Variants in BICRAL observed in about 807,000 individuals in gnomAD.
BICRAL encodes the protein BICRA like chromatin remodeling complex associated protein, also known as BRD4-interacting chromatin-remodeling complex-associated protein-like.
In BICRAL, 8 loss-of-function variants were observed where a neutral mutation model predicts 91.8. The observed-to-expected ratio is 0.09, with a 90% CI of 0.05 to 0.16. BICRAL has a LOEUF of 0.16. Ranked by LOEUF, BICRAL falls within the 10% of genes least tolerant of loss-of-function variation. The pLI is 1.00. For synonymous variants in BICRAL, 445 were observed against 491.1 expected (o/e 0.91, Z 1.24); for missense variants, 1,038 against 1,310.9 (o/e 0.79, Z 3.21).
At chr6:42,848,299 A>G (rs576461157) in intron 6 of BICRAL, among the ~76,000 whole-genome samples, 1 of 151,746 alleles carries the variant, frequency 6.6e-6, no homozygotes, top group East Asian at 1.9e-4. Context: ...CTGTAGTCCA[A>G]GCTACTCCTG....
intron 6 of BICRAL, among the ~76,000 whole-genome samples, chr6:42,839,172 C>T (rs1048940975): frequency 1.2e-4 from 18 of 152,108 alleles, no homozygotes; most frequent in Non-Finnish European, 2.4e-4. Flanking sequence ...TACACTGCAG[C>T]ACTCCAGCCT....
chr6:42,759,694 C>T (rs1366616749), intron 1 of BICRAL, among the ~76,000 whole-genome samples: 1 of 152,136 alleles, frequency 6.6e-6, no homozygotes. Flanking sequence ...TGATCCTATG[C>T]CTCATCTTCT....
At chr6:42,770,717 G>C (rs1252008435) in intron 1 of BICRAL, among the ~76,000 whole-genome samples, 2 of 144,844 alleles carry the variant, frequency 1.4e-5, no homozygotes, top group Non-Finnish European at 3.0e-5. Context: ...CACCCGGTCA[G>C]TGTTTTTGTT....
intron 1 of BICRAL, among the ~76,000 whole-genome samples, chr6:42,757,671 G>A (rs552207772): frequency 6.6e-6 from 1 of 152,356 alleles, no homozygotes; most frequent in South Asian, 2.1e-4. Context: ...ACAGGCATGA[G>A]CCACCGCGCC....
rs182143933 is a variant in BICRAL at position 42,794,392 on chromosome 6, C to T, written c.-102+12291C>T. Among the ~76,000 whole-genome samples, 90 of 150,584 alleles carry T rather than the reference C, an allele frequency of 6.0e-4. 1 individual carries two copies. In the East Asian group the frequency reaches 0.017, roughly 29 times the overall value. On this transcript the variant is annotated intron_variant, in intron 1 of 12. Transcript: ENST00000314073. ...TTCTGTTACATAAAATACTTAATGC[C>T]GGACAAAATTCACTTACTCTGTGTG...
chr6:42,781,667 T>C (rs991683380), upstream of BICRAL, among the ~76,000 whole-genome samples: 1 of 150,250 alleles, frequency 6.7e-6, no homozygotes, highest in East Asian at 1.9e-4. Context: ...TCGTGGATCT[T>C]AGTAATTGTT....
chr6:42,754,765 C>CA (rs1467617239), intron 1 of BICRAL, among the ~76,000 whole-genome samples: 2 of 152,150 alleles, frequency 1.3e-5, no homozygotes, highest in Non-Finnish European at 2.9e-5. Flanking sequence ...GGCATGGTGG[C>CA]ATGCACCTAT....
At chr6:42,793,296 A>ATTTTTTTTTT (rs35332872) in intron 1 of BICRAL, among the ~76,000 whole-genome samples, 490 of 22,982 alleles carry the variant, frequency 0.021, 69 homozygotes, top group East Asian at 0.031. Flanking sequence ...GACCCAGCTA[A>ATTTTTTTTTT]TTTTTTTTTT....
chr6:42,832,066 G>A (rs945047353), intron 6 of BICRAL, among the ~76,000 whole-genome samples: 17 of 151,280 alleles, frequency 1.1e-4, no homozygotes, highest in African/African-American at 2.9e-4. Flanking sequence ...TATATATATC[G>A]GCCAGGAGCT....
At chr6:42,826,316 C>T (rs1160598941) in intron 5 of BICRAL, among the ~76,000 whole-genome samples, 1 of 149,626 alleles carries the variant, frequency 6.7e-6, no homozygotes, top group African/African-American at 2.5e-5. Context: ...CTCACTGCAA[C>T]CTCCACCTCC....
chr6:42,783,831 A>C (rs1053692459), intron 1 of BICRAL, among the ~76,000 whole-genome samples: 1 of 152,112 alleles, frequency 6.6e-6, no homozygotes, highest in Non-Finnish European at 1.5e-5. Flanking sequence ...ATTGGAGGTG[A>C]GGCGCTCCTG....
chr6:42,767,604 G>A (rs1370102574), intron 1 of BICRAL, among the ~76,000 whole-genome samples: 1 of 152,222 alleles, frequency 6.6e-6, no homozygotes, highest in Non-Finnish European at 1.5e-5. Flanking sequence ...AGAAATGTTA[G>A]CTTAACATAT....
chr6:42,807,543 T>C (rs1354123058), intron 1 of BICRAL, among the ~76,000 whole-genome samples: 1 of 151,774 alleles, frequency 6.6e-6, no homozygotes, highest in East Asian at 1.9e-4. Flanking sequence ...CCTATTTCAG[T>C]ATGGATTTCT....
At chr6:42,818,029 G>A (rs1489683018) in intron 2 of BICRAL, among the ~76,000 whole-genome samples, 1 of 151,462 alleles carries the variant, frequency 6.6e-6, no homozygotes, top group Non-Finnish European at 1.5e-5. Context: ...CCTGGAAATG[G>A]ATTTGCTTGG....
At chr6:42,750,308 G>T (rs1431660088) in intron 1 of BICRAL, among the ~76,000 whole-genome samples, 1 of 151,118 alleles carries the variant, frequency 6.6e-6, no homozygotes, top group Non-Finnish European at 1.5e-5. Context: ...CTACAGGTGT[G>T]CACCACCACT....
intron 5 of BICRAL, among the ~76,000 whole-genome samples, chr6:42,825,259 CAAAAAA>C (rs398001338): frequency 3.4e-4 from 18 of 52,780 alleles, no homozygotes; most frequent in Non-Finnish European, 5.9e-4. Flanking sequence ...GACTCTGTCT[CAAAAAA>C]AAAAAAAAAA....
Position 42,829,217 on chromosome 6 carries a change from A to G in BICRAL, c.884A>G (p.Asn295Ser), listed in dbSNP as rs747335476. The change falls in exon 6 of 13, where the codon AAC becomes AGC. Residue 295 changes from asparagine to serine, a missense_variant. Around this residue, in one of 5 missense-constraint regions of BICRAL, gnomAD observed 532 missense variants for 724.9 expected, o/e 0.73. Coordinates refer to ENST00000314073, the MANE Select transcript of BICRAL (RefSeq NM_001393499.1). ...TTTCAAACATCTTTACCTGTGCATA[A>G]CATCATCATACAAAGGGGTCTTGCA... ...TNFQTSLPVH[N>S]IIIQRGLAPN... 6.2e-7 allele frequency: 1 copy of G among 1,614,204 alleles called. No individual in the cohort carries two copies. Among genetic ancestry groups the G allele is most frequent in the Admixed American group, 1.7e-5 (1 of 60,012 alleles).
chr6:42,811,077 G>A (rs1005412207), intron 2 of BICRAL, among the ~76,000 whole-genome samples: 2 of 152,042 alleles, frequency 1.3e-5, no homozygotes, highest in African/African-American at 2.4e-5. Flanking sequence ...TCGAGTAACC[G>A]GGTCTGGATT....
chr6:42,853,874 G>A (rs1176891557), intron 8 of BICRAL, 136 bp downstream of exon 8: 1 of 643,184 alleles, frequency 1.6e-6, no homozygotes, highest in Admixed American at 2.7e-5. Flanking sequence ...CAACAGGGTG[G>A]TCATTGAAGA....
Sources: gnomAD v4.1 joint callset for allele counts (sites outside exome capture counted in the v4.1 genomes callset) on GRCh38, gnomAD v4.1.1 for gene constraint, gnomAD v4.1.1 regional missense constraint, MANE v1.5 for transcripts, NCBI Gene and HGNC (gene_info 2026-07-23, HGNC 2026-07-21) for gene names.